The following CMSS1 variants were observed in gnomAD, a reference collection of about 807,000 sequenced individuals.
CMSS1 encodes protein CMSS1.
In CMSS1, 33 loss-of-function variants were observed where a neutral mutation model predicts 43.5. That is an observed-to-expected ratio of 0.76 (90% CI 0.57 to 1.01). The LOEUF (loss-of-function observed/expected upper bound fraction) is 1.01. Among genes scored for constraint, CMSS1 ranks in the 50% least tolerant of loss-of-function variants. CMSS1 has a pLI of 0.00. For synonymous variants in CMSS1, 115 were observed against 117.2 expected (o/e 0.98, Z 0.12); for missense variants, 313 against 326.4 (o/e 0.96, Z 0.32).
At chr3:99,996,739 A>G (rs1325810899) in intron 1 of CMSS1, among the ~76,000 whole-genome samples, 1 of 152,074 alleles carries the variant, frequency 6.6e-6, no homozygotes, top group East Asian at 1.9e-4. Context: ...TGATAAAACC[A>G]TCAGATCTCG....
At chr3:99,964,988 A>G (rs1212560169) in intron 1 of CMSS1, among the ~76,000 whole-genome samples, 1 of 152,192 alleles carries the variant, frequency 6.6e-6, no homozygotes, top group Non-Finnish European at 1.5e-5. Context: ...TTTTCATTGT[A>G]TTTCTTGAAG....
intron 1 of CMSS1, among the ~76,000 whole-genome samples, chr3:100,052,627 G>A (rs1020857717): frequency 6.6e-6 from 1 of 152,222 alleles, no homozygotes; most frequent in African/African-American, 2.4e-5. Flanking sequence ...TAGCTCAGGA[G>A]CAAGTATTAA....
chr3:99,939,082 T>A (rs1242957457), intron 1 of CMSS1, among the ~76,000 whole-genome samples: 5 of 152,246 alleles, frequency 3.3e-5, no homozygotes, highest in Admixed American at 6.5e-5. Context: ...AGTGGGGATG[T>A]ATGATTCAGG....
At chr3:100,127,741 A>T (rs866242188) in intron 1 of CMSS1, among the ~76,000 whole-genome samples, 5 of 152,208 alleles carry the variant, frequency 3.3e-5, no homozygotes, top group South Asian at 2.1e-4. Context: ...GAGGGCGTGG[A>T]GACAGACCTT....
intron 2 of CMSS1, among the ~76,000 whole-genome samples, chr3:100,155,368 C>A (rs1466531060): frequency 1.3e-5 from 2 of 152,198 alleles, no homozygotes; most frequent in Admixed American, 1.3e-4. Flanking sequence ...TCTTTATTTG[C>A]CTGGCTTACT....
At chr3:99,865,013 C>T (rs752213281) in intron 1 of CMSS1, among the ~76,000 whole-genome samples, 14 of 151,994 alleles carry the variant, frequency 9.2e-5, no homozygotes, top group Non-Finnish European at 1.9e-4. Flanking sequence ...AATTGGTATT[C>T]AATAAATATT....
chr3:100,069,595 C>T (rs546486660), intron 1 of CMSS1, among the ~76,000 whole-genome samples: 2 of 152,248 alleles, frequency 1.3e-5, no homozygotes, highest in Admixed American at 6.5e-5. Flanking sequence ...CTTCAGTCTC[C>T]TGAGGCACCA....
intron 1 of CMSS1, chr3:99,849,430 T>G: frequency 6.2e-7 from 1 of 1,614,202 alleles, no homozygotes; most frequent in South Asian, 1.1e-5. Context: ...TTGATTTAGT[T>G]TTTTTTGCAG....
intron 1 of CMSS1, among the ~76,000 whole-genome samples, chr3:99,995,847 C>T (rs1709662806): frequency 6.6e-6 from 1 of 152,182 alleles, no homozygotes; most frequent in Admixed American, 6.5e-5. Flanking sequence ...GCACCAAGTC[C>T]CTGGGCTGCA....
intron 1 of CMSS1, among the ~76,000 whole-genome samples, chr3:99,986,247 A>T (rs950604884): frequency 2.6e-5 from 4 of 152,232 alleles, no homozygotes; most frequent in Non-Finnish European, 5.9e-5. Flanking sequence ...TCATGCATCA[A>T]TCTGTAAATT....
chr3:100,115,192 G>A (rs935156094), intron 1 of CMSS1, among the ~76,000 whole-genome samples: 37 of 152,246 alleles, frequency 2.4e-4, no homozygotes, highest in African/African-American at 8.7e-4. Context: ...CATCCATTAT[G>A]TATCAGATCA....
intron 1 of CMSS1, among the ~76,000 whole-genome samples, chr3:100,055,333 T>C (rs1424096757): frequency 6.6e-6 from 1 of 152,206 alleles, no homozygotes; most frequent in Non-Finnish European, 1.5e-5. Context: ...CCAACATCAC[T>C]GGCACACTCA....
chr3:100,137,084 C>T (rs951300331), intron 1 of CMSS1, among the ~76,000 whole-genome samples: 6 of 152,218 alleles, frequency 3.9e-5, no homozygotes, highest in African/African-American at 1.4e-4. Flanking sequence ...TGTTCTTTCT[C>T]AGTGATGCTG....
intron 1 of CMSS1, among the ~76,000 whole-genome samples, chr3:100,038,024 G>A (rs1356453557): frequency 6.8e-6 from 1 of 147,556 alleles, no homozygotes; most frequent in African/African-American, 2.5e-5. Flanking sequence ...GCACAATCTC[G>A]GCTCACTGCA....
Position 100,143,045 on chromosome 3 carries a change from A to C in CMSS1, c.65-3928A>C, listed in dbSNP as rs112011574. 8.1e-4 allele frequency among the ~76,000 whole-genome samples: 124 copies of C among 152,304 alleles called. 1 individual carries two copies. The highest frequency in any genetic ancestry group is 2.8e-3 in the African/African-American group (118 of 41,558). ...GTGTAGAAAGAAGTACAGAGGCAAG[A>C]GGAAGAAGGAGAAACATAGTTTCCC... On this transcript the variant is annotated intron_variant, in intron 1 of 9. Transcript: ENST00000421999.
chr3:100,020,841 C>T (rs1343404698), intron 1 of CMSS1, among the ~76,000 whole-genome samples: 2 of 133,514 alleles, frequency 1.5e-5, no homozygotes, highest in Non-Finnish European at 3.1e-5. Flanking sequence ...GATCTCAGCT[C>T]ACTGCAACCT....
At chr3:100,029,680 T>C (rs1362230376) in intron 1 of CMSS1, among the ~76,000 whole-genome samples, 3 of 152,186 alleles carry the variant, frequency 2.0e-5, no homozygotes, top group Non-Finnish European at 4.4e-5. Context: ...AAGACTTAAG[T>C]GTGTGAGAAC....
chr3:99,896,748 A>G lies in CMSS1; in HGVS notation c.64+78705A>G, dbSNP rs72934470. ...AACCTTTGTTCAGTAGAGTTTTGAG[A>G]TTCTATAAGGTTCCAGAGGACTAGG... On this transcript the variant is annotated intron_variant, in intron 1 of 9. Coordinates refer to ENST00000421999, the MANE Select transcript of CMSS1 (RefSeq NM_032359.4). 4.7e-3 allele frequency among the ~76,000 whole-genome samples: 708 copies of G among 152,242 alleles called. 7 individuals carry two copies. Among genetic ancestry groups the G allele is most frequent in the African/African-American group, 0.016 (678 of 41,534 alleles).
chr3:100,117,852 T>TATATATAC (rs1232237863), intron 1 of CMSS1, among the ~76,000 whole-genome samples: 4 of 90,484 alleles, frequency 4.4e-5, no homozygotes, highest in African/African-American at 1.4e-4. Flanking sequence ...TATATATATA[T>TATATATAC]ACATATATAT....
Sources: allele counts gnomAD v4.1 joint callset (sites outside exome capture counted in the v4.1 genomes callset), GRCh38; gene constraint gnomAD v4.1.1; transcripts MANE v1.5; gene names NCBI Gene and HGNC (gene_info 2026-07-23, HGNC 2026-07-21).